BICD1: variants seen among roughly 807,000 people sequenced by gnomAD.
The protein encoded by BICD1 is protein bicaudal D homolog 1.
BICD1 carries 35 observed loss-of-function variants against 92.5 expected under a neutral mutation model. The observed-to-expected ratio is 0.38, with a 90% CI of 0.29 to 0.50. The LOEUF is 0.50. BICD1 is among the 20% of genes least tolerant of loss of function. The probability of loss-of-function intolerance (pLI) is 0.93; values close to 1 mark genes in which losing one functional copy is unlikely to be tolerated. For synonymous variants in BICD1, 429 were observed against 465.1 expected, an observed-to-expected ratio of 0.92 and a Z score of 1.00; for missense variants, 950 against 1,189.8, an observed-to-expected ratio of 0.80 and a Z score of 2.97.
intron 1 of BICD1, among the ~76,000 whole-genome samples, chr12:32,148,674 C>G (rs1943190458): frequency 6.6e-6 from 1 of 152,122 alleles, no homozygotes; most frequent in South Asian, 2.1e-4. Context: ...TATGACCATG[C>G]AGCTTTCCAC....
At position 32,107,345 on chromosome 12, in the gene BICD1, A is replaced by C. The variant is rs1056581472; in HGVS notation, c.14A>C (p.Glu5Ala). 1.2e-6 allele frequency: 2 copies of C among 1,604,996 alleles called. No homozygotes were observed. The highest frequency in any genetic ancestry group is 4.5e-5 in the East Asian group (2 of 44,668). ...TCCACCGGGGCTATGGCCGCAGAAG[A>C]GGTATTGCAGACGGTGGACCATTAT... is the stretch of plus-strand genomic sequence containing the variant. MAAE[E>A]VLQTVDHYKT... The change falls in exon 1 of 10, where the codon GAG (glutamate) becomes GCG (alanine). Residue 5 changes from glutamate (E) to alanine (A), a missense_variant. By Grantham distance (107) the Glu-to-Ala change is moderately radical. This residue lies in a region of BICD1 where 202 missense variants were observed against 205.3 expected (regional missense o/e 0.98). Transcript: ENST00000652176.
intron 9 of BICD1, among the ~76,000 whole-genome samples, chr12:32,371,155 A>AAAAGCAATTTT (rs1312792517): frequency 2.0e-5 from 3 of 152,222 alleles, no homozygotes; most frequent in African/African-American, 7.2e-5. Flanking sequence ...TACTTTAAAG[A>AAAAGCAATTTT]AAAGCAATTT....
intron 1 of BICD1, among the ~76,000 whole-genome samples, chr12:32,171,328 G>A (rs1237611424): frequency 6.6e-6 from 1 of 152,204 alleles, no homozygotes; most frequent in Non-Finnish European, 1.5e-5. Flanking sequence ...GTCACAGCTG[G>A]GCCCCGAAGG....
At position 32,106,918 on chromosome 12, in the gene BICD1, G is replaced by GC; in HGVS notation, c.-413dup. On this transcript the variant is annotated 5_prime_UTR_variant, in exon 1 of 10. Transcript: ENST00000652176. ...GAGAGAGCGAGCCGCGAGCCGGAGC[G>GC]CGCCAGACCCAGGGCGAGACTGCAG... 5.6e-6 allele frequency: 1 copy of GC among 178,474 alleles called. No homozygotes were observed. The highest frequency in any genetic ancestry group is 1.2e-5 in the Non-Finnish European group (1 of 85,800). 11.1% of individuals were successfully genotyped at this position (178,474 alleles called of 1,614,324 possible).
chr12:32,342,202 GTGTATA>G (rs1429287393), intron 8 of BICD1, among the ~76,000 whole-genome samples: 2 of 98,460 alleles, frequency 2.0e-5, no homozygotes, highest in Non-Finnish European at 2.0e-5. Context: ...ATGTGTGTGT[GTGTATA>G]TATATATATA....
chr12:32,153,005 A>G (rs552950508), intron 1 of BICD1, among the ~76,000 whole-genome samples: 52 of 152,154 alleles, frequency 3.4e-4, no homozygotes, highest in African/African-American at 1.2e-3. Flanking sequence ...TTGGGTATGA[A>G]TGGTCCCATC....
At chr12:32,295,302 G>A (rs147780081) in intron 3 of BICD1, among the ~76,000 whole-genome samples, 107 of 152,270 alleles carry the variant, frequency 7.0e-4, no homozygotes, top group Admixed American at 7.8e-4. Context: ...GTTGAATCGA[G>A]TAGTTAATTA....
intron 1 of BICD1, among the ~76,000 whole-genome samples, chr12:32,191,005 A>G (rs987706790): frequency 2.0e-5 from 3 of 152,234 alleles, no homozygotes; most frequent in Admixed American, 6.5e-5. Context: ...TGAAGAAGAA[A>G]TCAAAAGAGA....
At chr12:32,214,405 C>G (rs1945296556) in intron 1 of BICD1, among the ~76,000 whole-genome samples, 1 of 152,150 alleles carries the variant, frequency 6.6e-6, no homozygotes, top group African/African-American at 2.4e-5. Context: ...ATGTTTCTCT[C>G]TCCCTCTCTC....
intron 1 of BICD1, among the ~76,000 whole-genome samples, chr12:32,134,760 C>CT (rs1942669881): frequency 6.6e-6 from 1 of 152,192 alleles, no homozygotes; most frequent in Admixed American, 6.5e-5. Context: ...GGTTGTTAAA[C>CT]TTTCTAAGTG....
chr12:32,309,027 A>G (rs949606910), intron 4 of BICD1, among the ~76,000 whole-genome samples: 5 of 152,172 alleles, frequency 3.3e-5, no homozygotes, highest in Non-Finnish European at 5.9e-5. Flanking sequence ...AAAGCATGTC[A>G]GCTTTTCCTA....
chr12:32,207,107 C>CACA (rs1945079963), intron 1 of BICD1, among the ~76,000 whole-genome samples: 1 of 152,148 alleles, frequency 6.6e-6, no homozygotes, highest in Admixed American at 6.5e-5. Flanking sequence ...CCAAGGAGGA[C>CACA]AGACAGAGGC....
rs1388587929 is a variant in BICD1 at position 32,107,155 on chromosome 12, G to C, written c.-177G>C. On this transcript the variant is annotated 5_prime_UTR_variant, in exon 1 of 10. Coordinates refer to ENST00000652176, the MANE Select transcript of BICD1 (RefSeq NM_001714.4). ...TGTTGCATTTCTCGTCAGTTTCTCG[G>C]GCGGTGTAGCTGCCGCTGCCACCAG... 1 of 637,470 alleles carries C rather than the reference G, an allele frequency of 1.6e-6. No homozygotes were observed. Among genetic ancestry groups the C allele is most frequent in the African/African-American group, 1.8e-5 (1 of 54,504 alleles). 39.5% of individuals were successfully genotyped at this position (637,470 alleles called of 1,614,324 possible).
At chr12:32,222,791 T>G (rs574059061) in intron 2 of BICD1, among the ~76,000 whole-genome samples, 4 of 152,212 alleles carry the variant, frequency 2.6e-5, no homozygotes, top group African/African-American at 4.8e-5. Flanking sequence ...TTTGGCCCTT[T>G]TGTCCTTTCC....
At chr12:32,270,926 G>A (rs1947121935) in intron 2 of BICD1, among the ~76,000 whole-genome samples, 1 of 152,184 alleles carries the variant, frequency 6.6e-6, no homozygotes, top group Non-Finnish European at 1.5e-5. Flanking sequence ...TGTGTGAAGT[G>A]TGTTCAGTGG....
intron 1 of BICD1, among the ~76,000 whole-genome samples, chr12:32,188,255 T>G (rs776506004): frequency 6.6e-6 from 1 of 152,188 alleles, no homozygotes; most frequent in Non-Finnish European, 1.5e-5. Flanking sequence ...AATGCAATTT[T>G]ATTTACTATT....
intron 2 of BICD1, among the ~76,000 whole-genome samples, chr12:32,225,760 A>C (rs1434522888): frequency 6.6e-6 from 1 of 151,376 alleles, no homozygotes; most frequent in East Asian, 2.0e-4. Context: ...AGCTGGGATT[A>C]CAGGCACCTA....
chr12:32,244,629 ATTTT>A (rs57854307), intron 2 of BICD1, among the ~76,000 whole-genome samples: 2 of 135,676 alleles, frequency 1.5e-5, no homozygotes, highest in Admixed American at 7.4e-5. Flanking sequence ...TTGATATAGG[ATTTT>A]TTTTTTTTTT....
At chr12:32,301,607 T>C (rs1948048770) in intron 3 of BICD1, among the ~76,000 whole-genome samples, 1 of 148,116 alleles carries the variant, frequency 6.8e-6, no homozygotes, top group South Asian at 2.2e-4. Context: ...CAAAACCTTG[T>C]CTCTACAAAA....
Sources: allele counts gnomAD v4.1 joint callset (sites outside exome capture counted in the v4.1 genomes callset), GRCh38; gene constraint gnomAD v4.1.1; regional missense constraint gnomAD v4.1.1; transcripts MANE v1.5; gene names NCBI Gene and HGNC (gene_info 2026-07-23, HGNC 2026-07-21).